MAST2: variants seen among roughly 807,000 people sequenced by gnomAD.
The protein encoded by MAST2 is microtubule-associated serine/threonine-protein kinase 2.
A neutral mutation model predicts 147.4 loss-of-function variants in MAST2; 70 were observed. That is an observed-to-expected ratio of 0.47 (90% CI 0.39 to 0.58). The LOEUF (loss-of-function observed/expected upper bound fraction) is 0.58. MAST2 is among the 20% of genes least tolerant of loss of function. The pLI is 0.00. For synonymous variants in MAST2, 869 were observed against 896.8 expected, an observed-to-expected ratio of 0.97 and a Z score of 0.55; for missense variants, 2,080 against 2,302.3, an observed-to-expected ratio of 0.90 and a Z score of 1.98.
intron 5 of MAST2, among the ~76,000 whole-genome samples, chr1:45,969,267 A>G (rs2148976983): frequency 6.6e-6 from 1 of 152,298 alleles, no homozygotes; most frequent in African/African-American, 2.4e-5. Flanking sequence ...AAGGTGGACG[A>G]GATGAACTGA....
intron 1 of MAST2, among the ~76,000 whole-genome samples, chr1:45,814,288 C>G (rs1644387849): frequency 6.6e-6 from 1 of 152,022 alleles, no homozygotes; most frequent in South Asian, 2.1e-4. Context: ...GCATTGTTAC[C>G]ATAGGAGATG....
chr1:45,850,468 G>A (rs994782563), intron 3 of MAST2, among the ~76,000 whole-genome samples: 2 of 152,074 alleles, frequency 1.3e-5, no homozygotes, highest in Admixed American at 1.3e-4. Flanking sequence ...GACAATTTTT[G>A]TTTTTGTTGC....
intron 4 of MAST2, among the ~76,000 whole-genome samples, chr1:45,937,199 T>C (rs1250836852): frequency 6.6e-6 from 1 of 151,938 alleles, no homozygotes; most frequent in Non-Finnish European, 1.5e-5. Context: ...GCCTCCTGAG[T>C]AGCTGAGACT....
chr1:45,848,928 T>C (rs1362620288), intron 3 of MAST2, among the ~76,000 whole-genome samples: 1 of 152,036 alleles, frequency 6.6e-6, no homozygotes, highest in Non-Finnish European at 1.5e-5. Flanking sequence ...AGCATTCCTA[T>C]CCACCAACAA....
Position 46,023,752 on chromosome 1 carries a change from G to A in MAST2, c.1572-20G>A. ...AGGTGCTGAGGGTCCATGGGGGATG[G>A]GCCGGACTTTGTTTCCCAGGGCTGT... On this transcript the variant is annotated intron_variant, in intron 14 of 28. Transcript: ENST00000361297. The surrounding 1 kb of genome is among the most constrained non-coding windows in gnomAD (Gnocchi z 4.9). 3.7e-6 allele frequency: 6 copies of A among 1,611,168 alleles called. No homozygotes were observed. The highest frequency in any genetic ancestry group is 5.1e-6 in the Non-Finnish European group (6 of 1,178,348).
chr1:46,029,366 C>T, intron 18 of MAST2, 100 bp from the exon 19 acceptor site: 1 of 929,884 alleles, frequency 1.1e-6, no homozygotes, highest in Admixed American at 2.5e-5. Flanking sequence ...CAGGCTGGGT[C>T]CTTTTTGCCT....
intron 4 of MAST2, among the ~76,000 whole-genome samples, chr1:45,945,155 T>G (rs1657848298): frequency 6.6e-6 from 1 of 151,968 alleles, no homozygotes; most frequent in Middle Eastern, 3.4e-3. Flanking sequence ...AAACAAAATT[T>G]AGCCAGGTGT....
chr1:45,941,245 T>G (rs1156849324), intron 4 of MAST2, among the ~76,000 whole-genome samples: 3 of 152,076 alleles, frequency 2.0e-5, no homozygotes, highest in African/African-American at 4.8e-5. Flanking sequence ...TATTAGGTGT[T>G]TTTGTTTTTT....
chr1:45,907,036 A>G (rs533567768), intron 4 of MAST2, among the ~76,000 whole-genome samples: 2 of 152,294 alleles, frequency 1.3e-5, no homozygotes, highest in East Asian at 1.9e-4. Context: ...ATACAATACC[A>G]TATAGCCTAT....
intron 4 of MAST2, among the ~76,000 whole-genome samples, chr1:45,890,245 C>G (rs1319699773): frequency 6.6e-6 from 1 of 152,218 alleles, no homozygotes; most frequent in Non-Finnish European, 1.5e-5. Flanking sequence ...AAATAAAGAA[C>G]TATTTGTCTG....
intron 3 of MAST2, among the ~76,000 whole-genome samples, chr1:45,833,328 G>A (rs539386223): frequency 2.0e-5 from 3 of 151,982 alleles, no homozygotes; most frequent in South Asian, 2.1e-4. Flanking sequence ...TCATACAATC[G>A]TATCATTATA....
intron 5 of MAST2, among the ~76,000 whole-genome samples, chr1:45,987,545 C>T (rs570771196): frequency 7.2e-5 from 11 of 152,136 alleles, no homozygotes; most frequent in African/African-American, 2.7e-4. Flanking sequence ...CCTCTGGATT[C>T]GAGCAATCCT....
At chr1:45,810,023 T>A (rs1178585438) in intron 1 of MAST2, among the ~76,000 whole-genome samples, 2 of 152,216 alleles carry the variant, frequency 1.3e-5, no homozygotes, top group African/African-American at 4.8e-5. Flanking sequence ...TGTATTTCAT[T>A]TTTGCTTTTA....
In MAST2 at chr1:46,003,615, G is replaced by A. The variant is rs140903133; in HGVS notation, c.747+732G>A. 4.8e-4 allele frequency among the ~76,000 whole-genome samples: 73 copies of A among 152,130 alleles called. 1 individual carries two copies. In the East Asian group the frequency reaches 0.013, roughly 28 times the overall value. Reference sequence around the variant, plus strand: ...TCCTAAGTAGACTGGGACTGCAGGGGCATGCCACCACCCTGTAGCAGGCTA... The same window carrying A: ...TCCTAAGTAGACTGGGACTGCAGGGACATGCCACCACCCTGTAGCAGGCTA... On this transcript the variant is annotated intron_variant, in intron 7 of 28. Coordinates refer to ENST00000361297, the MANE Select transcript of MAST2 (RefSeq NM_015112.3).
At chr1:45,862,730 A>AAAGTGCTGG (rs1241413549) in intron 3 of MAST2, among the ~76,000 whole-genome samples, 12 of 152,166 alleles carry the variant, frequency 7.9e-5, no homozygotes, top group African/African-American at 2.9e-4. Flanking sequence ...TCGGCCTCCC[A>AAAGTGCTGG]AAGTGCTGGG....
At chr1:45,905,231 C>T (rs1169047118) in intron 4 of MAST2, among the ~76,000 whole-genome samples, 1 of 143,916 alleles carries the variant, frequency 6.9e-6, no homozygotes, top group Non-Finnish European at 1.5e-5. Context: ...GGCTGGAATG[C>T]AGTGGCACCA....
chr1:45,913,822 C>A, intron 4 of MAST2: 4 of 1,210,462 alleles, frequency 3.3e-6, no homozygotes, highest in Non-Finnish European at 4.2e-6. Flanking sequence ...ACTTGAGTAG[C>A]CAGGAGAATG....
At chr1:45,974,598 CA>C (rs972811149) in intron 5 of MAST2, among the ~76,000 whole-genome samples, 4 of 151,932 alleles carry the variant, frequency 2.6e-5, no homozygotes, top group Non-Finnish European at 5.9e-5. Flanking sequence ...GACCCTGTCT[CA>C]AAAAAATATT....
intron 26 of MAST2, 109 bp downstream of exon 26, chr1:46,032,827 G>C: frequency 2.8e-6 from 4 of 1,431,058 alleles, no homozygotes; most frequent in Non-Finnish European, 3.8e-6. Flanking sequence ...TCTACACCGA[G>C]TATGGATGTA....
Sources: gnomAD v4.1 joint callset for allele counts (sites outside exome capture counted in the v4.1 genomes callset) on GRCh38, gnomAD v4.1.1 for gene constraint, Gnocchi (gnomAD v3.1) non-coding constraint, MANE v1.5 for transcripts, NCBI Gene and HGNC (gene_info 2026-07-23, HGNC 2026-07-21) for gene names.